ABI3BP: variants seen among roughly 807,000 people sequenced by gnomAD.
ABI3BP encodes target of Nesh-SH3.
A neutral mutation model predicts 268.6 loss-of-function variants in ABI3BP; 216 were observed. The ratio of observed to expected loss-of-function variants is 0.80; its 90% confidence interval spans 0.72 to 0.90. ABI3BP has a LOEUF of 0.90. Among genes scored for constraint, ABI3BP ranks in the 40% least tolerant of loss-of-function variants. The probability of loss-of-function intolerance (pLI) is 0.00; values close to 1 mark genes in which losing one functional copy is unlikely to be tolerated. For missense variants in ABI3BP, 2,090 were observed against 2,182.4 expected, an observed-to-expected ratio of 0.96 and a Z score of 0.84; for synonymous variants, 730 against 730.0, an observed-to-expected ratio of 1.00 and a Z score of 0.00.
chr3:100,875,523 C>G lies in ABI3BP; in HGVS notation c.802G>C (p.Gly268Arg). The change falls in exon 8 of 68, where the codon GGA becomes CGA. Residue 268 changes from glycine to arginine, a missense_variant. Physicochemically the swap from Gly to Arg is moderately radical, Grantham distance 125. Transcript: ENST00000471714. ...SAKSPEKAPL[G>R]GVILVHLIIP... Reference sequence around the variant, plus strand: ...ATCCACTCACCTAGTATCACTCCTCCCAGTGGAGCTTTTTCTGGGGATTTA... The same window carrying G: ...ATCCACTCACCTAGTATCACTCCTCGCAGTGGAGCTTTTTCTGGGGATTTA... 3 of 1,612,038 alleles carry G rather than the reference C, an allele frequency of 1.9e-6. No homozygotes were observed. Among genetic ancestry groups the G allele is most frequent in the Non-Finnish European group, 2.5e-6 (3 of 1,178,122 alleles).
intron 2 of ABI3BP, chr3:100,912,023 C>T: frequency 4.0e-6 from 3 of 757,666 alleles, no homozygotes; most frequent in South Asian, 2.9e-5. Flanking sequence ...GTATAAACAA[C>T]TTCAACATCA....
chr3:100,750,738 T>A, intron 67 of ABI3BP, 128 bp from the exon 68 acceptor site: 3 of 641,834 alleles, frequency 4.7e-6, no homozygotes, highest in South Asian at 2.1e-5. Flanking sequence ...TTTAGAAAAC[T>A]GAGAGCAAGA....
intron 51 of ABI3BP, among the ~76,000 whole-genome samples, chr3:100,803,727 T>C (rs1388375381): frequency 6.6e-6 from 1 of 152,224 alleles, no homozygotes; most frequent in Non-Finnish European, 1.5e-5. Flanking sequence ...AGCTGATCTT[T>C]TGCAAGTGAG....
intron 20 of ABI3BP, chr3:100,843,553 G>C: frequency 1.0e-6 from 1 of 958,434 alleles, no homozygotes; most frequent in Admixed American, 6.7e-5. Flanking sequence ...GAGAGAGAGA[G>C]AGAGAGAGAG....
chr3:100,970,036 G>A (rs538198497), intron 1 of ABI3BP, among the ~76,000 whole-genome samples: 1 of 152,234 alleles, frequency 6.6e-6, no homozygotes, highest in South Asian at 2.1e-4. Context: ...CATAGGTACA[G>A]GTCTAGCCTA....
At chr3:100,890,472 C>T (rs2044053254) in intron 4 of ABI3BP, among the ~76,000 whole-genome samples, 1 of 152,106 alleles carries the variant, frequency 6.6e-6, no homozygotes, top group Non-Finnish European at 1.5e-5. Flanking sequence ...ATTCCACTTC[C>T]TTATTCCACC....
intron 1 of ABI3BP, among the ~76,000 whole-genome samples, chr3:100,956,704 C>G (rs973142055): frequency 1.3e-5 from 2 of 152,066 alleles, no homozygotes; most frequent in Admixed American, 6.5e-5. Flanking sequence ...CAGGAAGAGT[C>G]AAGGTGGGAA....
chr3:100,928,228 C>G (rs565360588), intron 1 of ABI3BP, among the ~76,000 whole-genome samples: 4 of 152,100 alleles, frequency 2.6e-5, no homozygotes, highest in South Asian at 2.1e-4. Context: ...GATTCTGAAC[C>G]TGGATTATGT....
chr3:100,973,891 A>G (rs1576069885), intron 1 of ABI3BP, among the ~76,000 whole-genome samples: 3 of 152,176 alleles, frequency 2.0e-5, no homozygotes, highest in African/African-American at 7.2e-5. Flanking sequence ...TCCACATATT[A>G]TCTCATCTGA....
intron 51 of ABI3BP, among the ~76,000 whole-genome samples, chr3:100,801,738 T>C (rs1350116082): frequency 2.6e-5 from 4 of 151,880 alleles, no homozygotes; most frequent in African/African-American, 4.8e-5. Flanking sequence ...AGGGGAAAAA[T>C]AAGAAGCTTT....
intron 63 of ABI3BP, among the ~76,000 whole-genome samples, chr3:100,759,454 CAG>C (rs2095823365): frequency 6.6e-6 from 1 of 152,060 alleles, no homozygotes; most frequent in African/African-American, 2.4e-5. Flanking sequence ...AGGGGGCACT[CAG>C]AAGACAAAAT....
intron 18 of ABI3BP, 108 bp from the exon 19 acceptor site, chr3:100,847,781 C>G (rs973069117): frequency 1.1e-6 from 1 of 872,986 alleles, no homozygotes; most frequent in South Asian, 1.4e-5. Context: ...ATTTAGTAGT[C>G]AAAGTATACA....
chr3:100,780,223 T>C lies in ABI3BP; in HGVS notation c.4163-14A>G. 6.2e-7 allele frequency: 1 copy of C among 1,610,034 alleles called. No homozygotes were observed. The highest frequency in any genetic ancestry group is 8.5e-7 in the Non-Finnish European group (1 of 1,177,800). ...CTTGCTTGACCCCTATGAGCAGAGA[T>C]AATGAAAGGGAATAAACATATAGCA... On this transcript the variant is annotated splice_polypyrimidine_tract_variant and intron_variant, in intron 57 of 67. Transcript: ENST00000471714.
intron 13 of ABI3BP, 66 bp from the exon 14 acceptor site, chr3:100,862,451 A>C: frequency 9.0e-7 from 1 of 1,115,970 alleles, no homozygotes; most frequent in South Asian, 1.5e-5. Flanking sequence ...ACGAGACAGA[A>C]ATAGGTTGCT....
intron 1 of ABI3BP, among the ~76,000 whole-genome samples, chr3:100,937,146 C>A (rs2066514610): frequency 6.6e-6 from 1 of 151,988 alleles, no homozygotes. Flanking sequence ...CAAATTAAAA[C>A]CACAGTGAAA....
chr3:100,923,099 A>G (rs1188917035), intron 2 of ABI3BP, among the ~76,000 whole-genome samples: 1 of 152,224 alleles, frequency 6.6e-6, no homozygotes, highest in Non-Finnish European at 1.5e-5. Flanking sequence ...AATTAATAAA[A>G]AGAACATATT....
intron 51 of ABI3BP, 61 bp from the exon 52 acceptor site, chr3:100,796,529 AC>A: frequency 8.0e-7 from 1 of 1,254,230 alleles, no homozygotes; most frequent in Non-Finnish European, 1.1e-6. Flanking sequence ...AGTGAGCTTA[AC>A]CCACAGATAT....
chr3:100,752,966 TTTGAG>T lies in ABI3BP; in HGVS notation c.4961-23_4961-19del. ...TCTTCCTGCTACAAAAGGAAAATAG[TTTGAG>T]TTTAGTATCTGACTCTTGGGTCAGA... On this transcript the variant is annotated intron_variant, in intron 65 of 67. Transcript: ENST00000471714. The T allele has an allele frequency of 6.2e-7, 1 of 1,603,452 alleles. No homozygotes were observed. The highest frequency in any genetic ancestry group is 8.5e-7 in the Non-Finnish European group (1 of 1,175,216).
chr3:100,834,646 T>C (rs767441557), intron 29 of ABI3BP, 38 bp downstream of exon 29: 4 of 1,520,426 alleles, frequency 2.6e-6, no homozygotes, highest in Admixed American at 2.0e-5. Context: ...CCACATCCAA[T>C]GGGATGCCAC....
Sources: allele counts gnomAD v4.1 joint callset (sites outside exome capture counted in the v4.1 genomes callset), GRCh38; gene constraint gnomAD v4.1.1; transcripts MANE v1.5; gene names NCBI Gene and HGNC (gene_info 2026-07-23, HGNC 2026-07-21).